TDO2: variants seen among roughly 807,000 people sequenced by gnomAD.
TDO2 encodes tryptophan 2,3-dioxygenase, also known as tryptamin 2,3-dioxygenase.
A neutral mutation model predicts 61.2 loss-of-function variants in TDO2; 63 were observed. The ratio of observed to expected loss-of-function variants is 1.03; its 90% CI spans 0.84 to 1.27. TDO2 has a LOEUF of 1.27. Among genes scored for constraint, TDO2 ranks in the 50% most tolerant of loss-of-function variants. TDO2 has a pLI of 0.00. For missense variants in TDO2, 494 were observed against 469.5 expected (o/e 1.05, Z -0.48); for synonymous variants, 183 against 164.0 (o/e 1.12, Z -0.89).
At chr4:155,915,600 C>T (rs1001761795) in intron 8 of TDO2, among the ~76,000 whole-genome samples, 4 of 152,046 alleles carry the variant, frequency 2.6e-5, no homozygotes, top group Non-Finnish European at 5.9e-5. Context: ...ATCAGGTTTT[C>T]CTAACATGCT....
At chr4:155,918,008 T>G in intron 10 of TDO2, 141 bp from the exon 11 acceptor site, 1 of 755,728 alleles carries the variant, frequency 1.3e-6, no homozygotes, top group South Asian at 1.8e-5. Flanking sequence ...CTGGCTCTCA[T>G]GTATGAGCCT....
chr4:155,920,100 C>A lies in TDO2; in HGVS notation c.*110C>A. 1.0e-6 allele frequency: 1 copy of A among 965,426 alleles called. No homozygotes were observed. Among genetic ancestry groups the A allele is most frequent in the Non-Finnish European group, 1.6e-6 (1 of 642,948 alleles). The allele number at this position is 965,426 out of a possible 1,614,324, so 59.8% of individuals were successfully genotyped here. Reference sequence around the variant, plus strand: ...TATGTATGCATATATTGTTCAGCACCACGATGCTCTGATTTAATTCTAGAA... The same window carrying A: ...TATGTATGCATATATTGTTCAGCACAACGATGCTCTGATTTAATTCTAGAA... On this transcript the variant is annotated 3_prime_UTR_variant, in exon 12 of 12. Coordinates refer to ENST00000536354, the MANE Select transcript of TDO2 (RefSeq NM_005651.4).
chr4:155,912,905 G>A (rs1188958901), intron 7 of TDO2, among the ~76,000 whole-genome samples: 1 of 152,050 alleles, frequency 6.6e-6, no homozygotes, highest in East Asian at 1.9e-4. Context: ...CTGCATTAAA[G>A]AATTTTTTCT....
intron 8 of TDO2, 61 bp downstream of exon 8, chr4:155,914,495 C>A: frequency 8.6e-7 from 1 of 1,163,192 alleles, no homozygotes; most frequent in South Asian, 1.7e-5. Context: ...ATCAAGACAT[C>A]ATTTTATAAG....
rs753558883 is a variant in TDO2 at position 155,908,887 on chromosome 4, G to T, written c.304G>T (p.Val102Phe). The change falls in exon 5 of 12, where the codon GTC becomes TTC. Residue 102 changes from valine to phenylalanine, a missense_variant and splice_region_variant. Coordinates refer to ENST00000536354, the MANE Select transcript of TDO2 (RefSeq NM_005651.4). ...SVREIFQNGH[V>F]RDERNMLKVV... ...CAGTGTTTCATTTCTTAACCTTCAG[G>T]TCAGAGATGAAAGGAACATGCTTAA... The T allele has an allele frequency of 2.5e-6, 4 of 1,609,018 alleles. No individual in the cohort carries two copies. The highest frequency in any genetic ancestry group is 3.4e-6 in the Non-Finnish European group (4 of 1,177,868).
intron 8 of TDO2, 102 bp from the exon 9 acceptor site, chr4:155,915,752 TA>T: frequency 1.1e-6 from 1 of 873,004 alleles, no homozygotes; most frequent in Non-Finnish European, 1.8e-6. Context: ...TATTGATTTC[TA>T]AACACATGTA....
intron 6 of TDO2, 121 bp from the exon 7 acceptor site, chr4:155,911,376 A>G: frequency 3.5e-6 from 2 of 570,228 alleles, no homozygotes; most frequent in Non-Finnish European, 5.9e-6. Context: ...TACAAATAAA[A>G]CTTGTAGCAT....
chr4:155,908,530 T>G (rs1176504186), intron 4 of TDO2, among the ~76,000 whole-genome samples: 1 of 152,210 alleles, frequency 6.6e-6, no homozygotes, highest in African/African-American at 2.4e-5. Context: ...AGTAGATTGA[T>G]CCACATGTTG....
At chr4:155,907,542 A>C (rs1244405466) in intron 3 of TDO2, 180 bp from the exon 4 acceptor site, 6 of 546,488 alleles carry the variant, frequency 1.1e-5, no homozygotes, top group Admixed American at 3.5e-5. Context: ...TAATAAAAGG[A>C]GGCTATTACA....
At chr4:155,908,458 C>T (rs1456609922) in intron 4 of TDO2, among the ~76,000 whole-genome samples, 1 of 152,080 alleles carries the variant, frequency 6.6e-6, no homozygotes, top group Non-Finnish European at 1.5e-5. Context: ...AGATGGGACC[C>T]TTCCTGCCTG....
rs1301651886 is a variant in TDO2, at chr4:155,910,134, C to T, written c.541C>T (p.Arg181Cys). The T allele has an allele frequency of 3.8e-6, 6 of 1,598,136 alleles. No homozygotes were observed. Among genetic ancestry groups the T allele is most frequent in the Non-Finnish European group, 4.3e-6 (5 of 1,174,768 alleles). ...MRVPYNRRHY[R>C]DNFKGEENEL... ...AGTCCCTTATAACAGAAGACATTAT[C>T]GTGATAACTTCAAAGGAGAAGAAAA... is the stretch of plus-strand genomic sequence containing the variant. Residue 181 changes from arginine to cysteine, a missense_variant, in exon 6 of 12, where the codon CGT becomes TGT. Coordinates refer to ENST00000536354, the MANE Select transcript of TDO2 (RefSeq NM_005651.4).
chr4:155,919,415 A>C (rs1311348364), intron 11 of TDO2, among the ~76,000 whole-genome samples: 1 of 152,210 alleles, frequency 6.6e-6, no homozygotes, highest in Non-Finnish European at 1.5e-5. Context: ...TCAATTTATT[A>C]AACCCTTCAG....
chr4:155,911,401 C>T (rs1418696633), intron 6 of TDO2, 96 bp from the exon 7 acceptor site: 11 of 737,424 alleles, frequency 1.5e-5, no homozygotes, highest in Non-Finnish European at 2.1e-5. Flanking sequence ...TTCTGGAAAC[C>T]ATGAAGATTT....
At chr4:155,905,265 T>A in intron 3 of TDO2, 108 bp downstream of exon 3, 2 of 842,592 alleles carry the variant, frequency 2.4e-6, no homozygotes, top group South Asian at 3.3e-5. Flanking sequence ...TGGAATCACC[T>A]CTGTTAGAAA....
At chr4:155,907,813 A>G (rs1742745507) in intron 4 of TDO2, 21 bp downstream of exon 4, 1 of 1,581,946 alleles carries the variant, frequency 6.3e-7, no homozygotes, top group Non-Finnish European at 8.7e-7. Context: ...ATGTCACAAT[A>G]TTGGTTTCAT....
intron 5 of TDO2, 78 bp from the exon 6 acceptor site, chr4:155,909,947 C>A (rs1579327603): frequency 1.6e-5 from 2 of 121,640 alleles, no homozygotes; most frequent in Admixed American, 1.7e-4. Context: ...CTCCCCTCCC[C>A]CCCCTTTCTC....
In TDO2 at chr4:155,910,231, A is replaced by G. The variant is rs780053027; in HGVS notation, c.618+20A>G. 1 of 1,533,078 alleles carries G rather than the reference A, an allele frequency of 6.5e-7. No individual in the cohort carries two copies. Among genetic ancestry groups the G allele is most frequent in the South Asian group, 1.3e-5 (1 of 78,164 alleles). The allele number at this position is 1,533,078 out of a possible 1,614,324, so 95.0% of individuals were successfully genotyped here. A position where few individuals can be genotyped will look rare whatever the true frequency, so the allele number is the denominator to read the frequency against. ...GTGGAGGTATGGATTCATACAATTT[A>G]TAAAGTTTAACTCAATACATCTTCT... is the stretch of plus-strand genomic sequence containing the variant. On this transcript the variant is annotated intron_variant, in intron 6 of 11. Transcript: ENST00000536354.
chr4:155,905,414 C>T lies in TDO2; in HGVS notation c.232+257C>T, dbSNP rs1742701691. The T allele has an allele frequency of 1.2e-5, 4 of 339,422 alleles. No individual in the cohort carries two copies. In the Admixed American group the frequency reaches 2.0e-4, roughly 17 times the overall value. 21.0% of individuals were successfully genotyped at this position (339,422 alleles called of 1,614,324 possible). On this transcript the variant is annotated intron_variant, in intron 3 of 11. Transcript: ENST00000536354. ...TCTTAACTCCAAGGGGACTTTCTGC[C>T]TCTTGGAATTTCACTAGGAATTCAC...
chr4:155,915,692 A>C (rs564961717), intron 8 of TDO2, among the ~76,000 whole-genome samples, 163 bp from the exon 9 acceptor site: 2 of 152,192 alleles, frequency 1.3e-5, no homozygotes, highest in Non-Finnish European at 2.9e-5. Flanking sequence ...ATTTTAAGTG[A>C]TATGTTTACA....
Sources: gnomAD v4.1 joint callset for allele counts (sites outside exome capture counted in the v4.1 genomes callset) on GRCh38, gnomAD v4.1.1 for gene constraint, MANE v1.5 for transcripts, NCBI Gene and HGNC (gene_info 2026-07-23, HGNC 2026-07-21) for gene names.